ABCA6: variants seen among roughly 807,000 people sequenced by gnomAD.
ABCA6 encodes the protein ATP-binding cassette sub-family A member 6.
Under a neutral mutation model 191.2 loss-of-function variants are expected in ABCA6, and 164 were observed. The ratio of observed to expected loss-of-function variants is 0.86; its 90% CI spans 0.76 to 0.98. The LOEUF is 0.98. Among genes scored for constraint, ABCA6 ranks in the 50% least tolerant of loss-of-function variants. The pLI is 0.00. For missense variants in ABCA6, 1,958 were observed against 1,894.1 expected (o/e 1.03, Z -0.63); for synonymous variants, 636 against 647.7 (o/e 0.98, Z 0.27).
At position 69,091,804 on chromosome 17, in the gene ABCA6, G is replaced by A. The variant is rs1373965709; in HGVS notation, c.3409-542C>T. On this transcript the variant is annotated intron_variant, in intron 25 of 38. Coordinates refer to ENST00000284425, the MANE Select transcript of ABCA6 (RefSeq NM_080284.3). ...CCCAAAGTGCTGGGATTACAGGCGT[G>A]AGCCACCGCGCCCGGCCCCAAATAG... Among the ~76,000 whole-genome samples the A allele has an allele frequency of 3.9e-3, 76 of 19,284 alleles. 29 individuals are homozygous for A. Among genetic ancestry groups the A allele is most frequent in the Non-Finnish European group, 9.0e-3 (72 of 7,990 alleles). The allele number at this position is 19,284 out of a possible 152,430, so 12.7% of individuals were successfully genotyped here.
At chr17:69,084,393 C>A (rs760068384) in intron 33 of ABCA6, 38 bp from the exon 34 acceptor site, 2 of 1,614,020 alleles carry the variant, frequency 1.2e-6, no homozygotes, top group South Asian at 2.2e-5. Flanking sequence ...GCTGCCATAC[C>A]ACACCAGCTC....
chr17:69,115,582 T>C, intron 11 of ABCA6, 96 bp from the exon 12 acceptor site: 1 of 746,506 alleles, frequency 1.3e-6, no homozygotes, highest in Non-Finnish European at 2.1e-6. Flanking sequence ...CTATTTAGTT[T>C]AGTGGCATAT....
chr17:69,111,778 T>C (rs1356455729), intron 16 of ABCA6: 3 of 164,968 alleles, frequency 1.8e-5, no homozygotes, highest in African/African-American at 7.2e-5. Flanking sequence ...CATTACTTTC[T>C]GCCCCTAGAT....
intron 17 of ABCA6, 94 bp from the exon 18 acceptor site, chr17:69,107,906 T>C (rs1314513792): frequency 3.8e-6 from 3 of 784,806 alleles, no homozygotes; most frequent in African/African-American, 1.8e-5. Flanking sequence ...ATACATAATA[T>C]TGTTAAGAAA....
At chr17:69,114,332 C>T (rs1312357159) in intron 13 of ABCA6, among the ~76,000 whole-genome samples, 2 of 145,582 alleles carry the variant, frequency 1.4e-5, no homozygotes, top group African/African-American at 5.1e-5. Flanking sequence ...CCAAACACCG[C>T]ATGTTCTCAC....
At chr17:69,140,311 A>G (rs2074008318) in intron 2 of ABCA6, among the ~76,000 whole-genome samples, 1 of 152,056 alleles carries the variant, frequency 6.6e-6, no homozygotes, top group Admixed American at 6.6e-5. Context: ...TCTTCTGACA[A>G]CATTTTTTTT....
Position 69,137,381 on chromosome 17 carries a change from G to A in ABCA6, c.216C>T (p.Ser72=), listed in dbSNP as rs1353062834. 6.2e-7 allele frequency: 1 copy of A among 1,613,620 alleles called. No individual in the cohort carries two copies. Among genetic ancestry groups the A allele is most frequent in the East Asian group, 2.2e-5 (1 of 44,822 alleles). Residue 72 remains serine, a synonymous_variant, in exon 3 of 39, where the codon AGC becomes AGT. Transcript: ENST00000284425. ...GTGTATACACAACCATTAAAGAAGA[G>A]CTATTAAATTTATCTACCCTTCCCA... ...QNLGRVDKFN[S]SSLMVVYTPI...
Position 69,089,531 on chromosome 17 carries a change from C to G in ABCA6, c.3540G>C (p.Glu1180Asp), listed in dbSNP as rs779633802. The change falls in exon 27 of 39, where the codon GAG becomes GAC. Residue 1180 changes from glutamate to aspartate, a missense_variant. Coordinates refer to ENST00000284425, the MANE Select transcript of ABCA6 (RefSeq NM_080284.3). The part of the protein sequence containing the change: ...FKTFLEVRDQ[E>D]HYREFPEANF... ...TTGCCTCTGGAAATTCTCTGTAGTGCTCCTGGTCTCTCTGAAAAGACAAAA... is the reference window on the plus strand; with the variant it reads ...TTGCCTCTGGAAATTCTCTGTAGTGGTCCTGGTCTCTCTGAAAAGACAAAA... 1 of 1,612,960 alleles carries G rather than the reference C, an allele frequency of 6.2e-7. No individual in the cohort carries two copies. The highest frequency in any genetic ancestry group is 2.2e-5 in the East Asian group (1 of 44,830).
intron 22 of ABCA6, among the ~76,000 whole-genome samples, chr17:69,100,256 T>C (rs1395913504): frequency 2.0e-5 from 3 of 152,208 alleles, no homozygotes. Context: ...CCAAACTGTC[T>C]GAAGCCAGAC....
chr17:69,138,028 G>A (rs191233716), intron 2 of ABCA6, among the ~76,000 whole-genome samples: 1 of 152,312 alleles, frequency 6.6e-6, no homozygotes, highest in East Asian at 1.9e-4. Flanking sequence ...GGAACCGAAT[G>A]ATTTCCTGGA....
chr17:69,097,408 A>G (rs2073074810), intron 23 of ABCA6, among the ~76,000 whole-genome samples: 1 of 150,338 alleles, frequency 6.7e-6, no homozygotes, highest in Non-Finnish European at 1.5e-5. Context: ...AAAAAAAAAA[A>G]GTATTATTTT....
rs1294347946 is a variant in ABCA6, at chr17:69,106,230, A to G, written c.2390-19T>C. 6.3e-7 allele frequency: 1 copy of G among 1,594,790 alleles called. No individual in the cohort carries two copies. Among genetic ancestry groups the G allele is most frequent in the Admixed American group, 1.8e-5 (1 of 56,508 alleles). On this transcript the variant is annotated intron_variant, in intron 18 of 38. Transcript: ENST00000284425. ...TCGAAATCTATAAACACACACATAC[A>G]CAAACACACATATTATAATATTAAT... is the stretch of plus-strand genomic sequence containing the variant.
At position 69,113,754 on chromosome 17, in the gene ABCA6, G is replaced by T. The variant is rs1404952589; in HGVS notation, c.1783-17C>A. 1.9e-6 allele frequency: 3 copies of T among 1,599,438 alleles called. No homozygotes were observed. Among genetic ancestry groups the T allele is most frequent in the African/African-American group, 1.3e-5 (1 of 74,332 alleles). On this transcript the variant is annotated splice_polypyrimidine_tract_variant and intron_variant, in intron 13 of 38. Coordinates refer to ENST00000284425, the MANE Select transcript of ABCA6 (RefSeq NM_080284.3). ...TCGTTGTACCTATATGAGAAAATACGCAACTTTTAAAATCCAAAATGAAGA... is the reference window on the plus strand; with the variant it reads ...TCGTTGTACCTATATGAGAAAATACTCAACTTTTAAAATCCAAAATGAAGA...
rs2072825619 is a variant in ABCA6, at chr17:69,087,398, TTCTGTTTGAATA to T, written c.3762_3773del (p.Asp1254_Thr1257del). ...TCAGAGCAGTGGCTGTTCTTATTCT[TTCTGTTTGAATA>T]TCTTCATCTTCATCTATGGGTTCTT... On this transcript the variant is annotated inframe_deletion, in exon 29 of 39. Transcript: ENST00000284425. 1 of 1,613,920 alleles carries T rather than the reference TTCTGTTTGAATA, an allele frequency of 6.2e-7. No homozygotes were observed. The highest frequency in any genetic ancestry group is 1.7e-5 in the Admixed American group (1 of 60,004).
rs756081786 is a variant in ABCA6, at chr17:69,084,349, A to G, written c.4267T>C (p.Phe1423Leu). 58 of 1,614,168 alleles carry G rather than the reference A, an allele frequency of 3.6e-5. No individual in the cohort carries two copies. In the South Asian group the frequency reaches 6.4e-4, roughly 18 times the overall value. Residue 1423 changes from phenylalanine to leucine, a missense_variant, in exon 34 of 39, where the codon TTT (phenylalanine) becomes CTT (leucine). Transcript: ENST00000284425. Reference protein sequence around the residue: ...LTAGITRKLCFVLSLLGNSPV... With the variant: ...LTAGITRKLCLVLSLLGNSPV... The stretch of plus-strand genomic sequence containing the variant: ...GAGTTTCCCAGGAGGCTCAGCACAA[A>G]ACACAACTGCAATGTAGAAAAACAC...
chr17:69,089,560 AAC>A lies in ABCA6; in HGVS notation c.3529-20_3529-19del, dbSNP rs770444398. The A allele has an allele frequency of 1.1e-4, 181 of 1,575,302 alleles. No homozygotes were observed. Among genetic ancestry groups the A allele is most frequent in the Non-Finnish European group, 1.4e-4 (160 of 1,147,354 alleles). ...TGGTCTCTCTGAAAAGACAAAACAA[AAC>A]ACACACACACTAATGATAATTCATC... On this transcript the variant is annotated intron_variant, in intron 26 of 38. Coordinates refer to ENST00000284425, the MANE Select transcript of ABCA6 (RefSeq NM_080284.3).
rs143310240 is a variant in ABCA6 at position 69,096,405 on chromosome 17, G to A, written c.3295-52C>T. Reference sequence around the variant, plus strand: ...GTCAAAAAATCAAATATTACTGAGGGAAAAATTAGATTACAACTTTTAAAA... The same window carrying A: ...GTCAAAAAATCAAATATTACTGAGGAAAAAATTAGATTACAACTTTTAAAA... On this transcript the variant is annotated intron_variant, in intron 24 of 38. Transcript: ENST00000284425. 7 of 1,056,090 alleles carry A rather than the reference G, an allele frequency of 6.6e-6. No homozygotes were observed. In the African/African-American group the frequency reaches 8.3e-5, roughly 12 times the overall value. The allele number at this position is 1,056,090 out of a possible 1,614,324, so 65.4% of individuals were successfully genotyped here.
chr17:69,130,759 C>T (rs928039746), intron 6 of ABCA6, among the ~76,000 whole-genome samples: 1 of 152,186 alleles, frequency 6.6e-6, no homozygotes, highest in African/African-American at 2.4e-5. Flanking sequence ...AATCAAGTAA[C>T]TCTATAAACA....
intron 18 of ABCA6, among the ~76,000 whole-genome samples, chr17:69,106,873 T>C (rs2073318377): frequency 6.6e-6 from 1 of 152,142 alleles, no homozygotes; most frequent in African/African-American, 2.4e-5. Context: ...ACTGAATTCA[T>C]ACCAAAAGAA....
Sources: gnomAD v4.1 joint callset for allele counts (sites outside exome capture counted in the v4.1 genomes callset) on GRCh38, gnomAD v4.1.1 for gene constraint, MANE v1.5 for transcripts, NCBI Gene and HGNC (gene_info 2026-07-23, HGNC 2026-07-21) for gene names.